Variants in FFAR1 observed in about 807,000 individuals in gnomAD.
FFAR1 encodes free fatty acid receptor 1.
For synonymous variants in FFAR1, 216 were observed against 201.5 expected, an observed-to-expected ratio of 1.07 and a Z score of -0.61; for missense variants, 424 against 396.2, an observed-to-expected ratio of 1.07 and a Z score of -0.60.
At chr19:35,350,740 C>T (rs1037127120), upstream of FFAR1, among the ~76,000 whole-genome samples, 6 of 152,196 alleles carry the variant, frequency 3.9e-5, no homozygotes, top group Non-Finnish European at 8.8e-5. Flanking sequence ...CCCTGTCACC[C>T]GCCCTCCTCC....
chr19:35,352,466 G>T, exon 1 of FFAR1: 2 of 1,548,822 alleles, frequency 1.3e-6, no homozygotes, highest in East Asian at 2.4e-5. Flanking sequence ...GCCACTGCTC[G>T]GGGGAAGGAG....
exon 1 of FFAR1, chr19:35,351,740 G>A (rs1355547727): frequency 3.8e-6 from 6 of 1,563,612 alleles, no homozygotes. Context: ...CCCTGAAGGC[G>A]GTGGAGGCGC....
At chr19:35,350,028 G>A (rs76525912), upstream of FFAR1, among the ~76,000 whole-genome samples, 79 of 152,278 alleles carry the variant, frequency 5.2e-4, no homozygotes, top group African/African-American at 1.8e-3. Context: ...GCAGCCGGCC[G>A]GTGCCACATT....
chr19:35,351,168 C>T (rs2066942657), upstream of FFAR1, among the ~76,000 whole-genome samples: 1 of 152,174 alleles, frequency 6.6e-6, no homozygotes, highest in Non-Finnish European at 1.5e-5. Flanking sequence ...GTGGGCCCAG[C>T]CCTGTTCTGA....
At chr19:35,349,714 G>T (rs145266132), upstream of FFAR1, among the ~76,000 whole-genome samples, 1 of 152,292 alleles carries the variant, frequency 6.6e-6, no homozygotes, top group African/African-American at 2.4e-5. Flanking sequence ...CCTGGAATTC[G>T]GAAGGGGCAG....
At chr19:35,348,571 C>G (rs1334204126), upstream of FFAR1, among the ~76,000 whole-genome samples, 1 of 152,196 alleles carries the variant, frequency 6.6e-6, no homozygotes, top group Non-Finnish European at 1.5e-5. Context: ...TGCACTCCAG[C>G]CTATGCAACA....
exon 1 of FFAR1, chr19:35,351,748 C>T (rs773140188): frequency 6.4e-7 from 1 of 1,562,678 alleles, no homozygotes; most frequent in Non-Finnish European, 8.6e-7. Flanking sequence ...GCGGTGGAGG[C>T]GCTAGCCTCC....
chr19:35,350,691 T>C (rs770196120), upstream of FFAR1, among the ~76,000 whole-genome samples: 4 of 152,152 alleles, frequency 2.6e-5, no homozygotes, highest in African/African-American at 4.8e-5. Flanking sequence ...GATGCCCCAT[T>C]AGCTGCTCAC....
upstream of FFAR1, chr19:35,351,519 C>G (rs1446525128): frequency 2.0e-6 from 3 of 1,536,350 alleles, no homozygotes; most frequent in African/African-American, 4.1e-5. Context: ...CCAGGTTGCA[C>G]ACAGGAGCCG....
upstream of FFAR1, among the ~76,000 whole-genome samples, chr19:35,348,271 C>T (rs943207801): frequency 6.6e-6 from 1 of 152,162 alleles, no homozygotes; most frequent in Non-Finnish European, 1.5e-5. Context: ...CTTGTGAGCA[C>T]CATTAACTTT....
chr19:35,351,988 C>A (rs543919340), exon 1 of FFAR1: 1 of 1,614,020 alleles, frequency 6.2e-7, no homozygotes, highest in Non-Finnish European at 8.5e-7. Context: ...GGGTTGGAGG[C>A]TCCAGGAGGC....
chr19:35,348,506 G>A (rs1555771386), upstream of FFAR1, among the ~76,000 whole-genome samples: 2 of 152,216 alleles, frequency 1.3e-5, no homozygotes, highest in Non-Finnish European at 2.9e-5. Flanking sequence ...GGCTGAGGCA[G>A]GAGAGTCGCT....
At chr19:35,350,490 G>A (rs563080103), upstream of FFAR1, among the ~76,000 whole-genome samples, 23 of 152,310 alleles carry the variant, frequency 1.5e-4, no homozygotes, top group South Asian at 4.1e-3. Flanking sequence ...CAGCGCAGGT[G>A]TGAACAGGCA....
upstream of FFAR1, among the ~76,000 whole-genome samples, chr19:35,349,479 A>G (rs2066935495): frequency 6.6e-6 from 1 of 152,242 alleles, no homozygotes; most frequent in Admixed American, 6.5e-5. Context: ...AACACACTGA[A>G]CAGTAGGAGG....
chr19:35,350,955 G>A (rs1978014), upstream of FFAR1, among the ~76,000 whole-genome samples: 102,306 of 151,978 alleles, frequency 0.67, 35,521 homozygotes, highest in African/African-American at 0.84. Context: ...GATGGGGCCT[G>A]GCTGACCCTT....
exon 1 of FFAR1, chr19:35,351,762 G>T (rs1181687841): frequency 6.4e-7 from 1 of 1,571,656 alleles, no homozygotes. Context: ...AGCCTCCGGG[G>T]CCTGGCCTCT....
At chr19:35,349,764 T>C (rs966981459), upstream of FFAR1, among the ~76,000 whole-genome samples, 2 of 151,930 alleles carry the variant, frequency 1.3e-5, no homozygotes, top group African/African-American at 4.8e-5. Flanking sequence ...AAAACTGATG[T>C]GGAGAGCTGT....
At chr19:35,352,058 C>T in exon 1 of FFAR1, 3 of 1,613,724 alleles carry the variant, frequency 1.9e-6, no homozygotes, top group Non-Finnish European at 1.7e-6. Context: ...GCTCTCCGGT[C>T]TGCCTGGAGG....
At chr19:35,349,522 CA>C (rs1414271163), upstream of FFAR1, among the ~76,000 whole-genome samples, 18 of 152,244 alleles carry the variant, frequency 1.2e-4, no homozygotes, top group African/African-American at 4.1e-4. Flanking sequence ...CGCTGCACCC[CA>C]GGTGCTGCTC....
Sources: gnomAD v4.1 joint callset for allele counts (sites outside exome capture counted in the v4.1 genomes callset) on GRCh38, gnomAD v4.1.1 for gene constraint, MANE v1.5 for transcripts, NCBI Gene and HGNC (gene_info 2026-07-23, HGNC 2026-07-21) for gene names.